The following SCHIP1 variants were observed in gnomAD, a reference collection of about 807,000 sequenced individuals.
SCHIP1 encodes the protein schwannomin interacting protein 1.
In SCHIP1, 8 loss-of-function variants were observed where a neutral mutation model predicts 29.7. The observed-to-expected ratio is 0.27, with a 90% CI of 0.16 to 0.49. SCHIP1 has a LOEUF of 0.49. Among genes scored for constraint, SCHIP1 ranks in the 20% least tolerant of loss-of-function variants. SCHIP1 has a pLI of 0.99. For synonymous variants in SCHIP1, 76 were observed against 94.9 expected, an observed-to-expected ratio of 0.80 and a Z score of 1.16; for missense variants, 193 against 294.6, an observed-to-expected ratio of 0.66 and a Z score of 2.52.
the SCHIP1 span, among the ~76,000 whole-genome samples, chr3:159,821,402 A>G: frequency 6.6e-6 from 1 of 152,208 alleles, no homozygotes; most frequent in Non-Finnish European, 1.5e-5. Context: ...ATGAATTTAA[A>G]TGAGACCAGT....
chr3:159,722,964 T>C, the SCHIP1 span, among the ~76,000 whole-genome samples: 1 of 152,238 alleles, frequency 6.6e-6, no homozygotes, highest in Non-Finnish European at 1.5e-5. Flanking sequence ...TACTCCTCTC[T>C]GTGGCATCTC....
chr3:159,557,483 T>C, the SCHIP1 span, among the ~76,000 whole-genome samples: 1 of 152,130 alleles, frequency 6.6e-6, no homozygotes, highest in Non-Finnish European at 1.5e-5. Flanking sequence ...AAAACAATAA[T>C]GTTACTTAGT....
At chr3:159,888,378 A>G (rs1167172776) in intron 4 of SCHIP1, 2 of 205,524 alleles carry the variant, frequency 9.7e-6, no homozygotes, top group East Asian at 1.2e-4. Context: ...TTTCTCATCT[A>G]TAAAATGGGG....
At chr3:159,841,010 G>A (rs79151788) in intron 1 of SCHIP1, among the ~76,000 whole-genome samples, 2,065 of 152,304 alleles carry the variant, frequency 0.014, 49 homozygotes, top group African/African-American at 0.047. Context: ...GCTCTTTGCA[G>A]CAGCAGGCAG....
At chr3:159,712,828 GAAAGAAAGAAAGAAAGAA>G in the SCHIP1 span, among the ~76,000 whole-genome samples, 1 of 125,960 alleles carries the variant, frequency 7.9e-6, no homozygotes, top group African/African-American at 2.7e-5. Flanking sequence ...AAAGAAGAGA[GAAAGAAAGAAAGAAAGAA>G]AGAGAGAGAG....
the SCHIP1 span, among the ~76,000 whole-genome samples, chr3:159,332,402 C>T: frequency 0.24 from 36,482 of 152,020 alleles, 4,722 homozygotes; most frequent in African/African-American, 0.33. Flanking sequence ...AACTCAAATC[C>T]GTCTCCCAAG....
At chr3:159,860,605 T>C (rs112402409) in intron 1 of SCHIP1, among the ~76,000 whole-genome samples, 58 of 152,318 alleles carry the variant, frequency 3.8e-4, no homozygotes, top group African/African-American at 1.4e-3. Context: ...TTTAAAAGTC[T>C]ATTTCAGTTC....
At chr3:159,826,821 C>T in the SCHIP1 span, among the ~76,000 whole-genome samples, 2 of 152,292 alleles carry the variant, frequency 1.3e-5, no homozygotes, top group East Asian at 3.9e-4. Context: ...GAAAGAGACT[C>T]TCTTTGCTAT....
chr3:159,404,948 A>G, the SCHIP1 span, among the ~76,000 whole-genome samples: 2 of 151,948 alleles, frequency 1.3e-5, no homozygotes, highest in Non-Finnish European at 2.9e-5. Context: ...AGAGGGAAAC[A>G]CTCTACTTTT....
chr3:159,857,296 C>T (rs147600268), intron 1 of SCHIP1, among the ~76,000 whole-genome samples: 3 of 152,294 alleles, frequency 2.0e-5, no homozygotes, highest in East Asian at 3.9e-4. Context: ...CACACATGCA[C>T]ACAAACGTGC....
At chr3:159,510,189 ACTTCT>A in the SCHIP1 span, among the ~76,000 whole-genome samples, 2 of 151,726 alleles carry the variant, frequency 1.3e-5, no homozygotes, top group Non-Finnish European at 2.9e-5. Flanking sequence ...TTTTCTCTAA[ACTTCT>A]CTTCTCATTT....
chr3:159,661,380 C>A, the SCHIP1 span, among the ~76,000 whole-genome samples: 1 of 152,158 alleles, frequency 6.6e-6, no homozygotes, highest in African/African-American at 2.4e-5. Context: ...TATGTATAGA[C>A]CATTCCCAAA....
the SCHIP1 span, among the ~76,000 whole-genome samples, chr3:159,546,468 C>T: frequency 2.0e-5 from 3 of 151,924 alleles, no homozygotes; most frequent in East Asian, 5.8e-4. Flanking sequence ...GTGTATGGCA[C>T]AGGCATACAT....
the SCHIP1 span, among the ~76,000 whole-genome samples, chr3:159,520,910 A>G: frequency 6.6e-6 from 1 of 152,250 alleles, no homozygotes; most frequent in African/African-American, 2.4e-5. Flanking sequence ...AATATTTACT[A>G]CCATGGGTAA....
the SCHIP1 span, among the ~76,000 whole-genome samples, chr3:159,444,937 A>G: frequency 6.6e-6 from 1 of 152,198 alleles, no homozygotes; most frequent in Non-Finnish European, 1.5e-5. Flanking sequence ...CAATTGACCT[A>G]GGCGTTACCA....
the SCHIP1 span, among the ~76,000 whole-genome samples, chr3:159,444,872 C>A: frequency 7.9e-5 from 12 of 152,228 alleles, no homozygotes; most frequent in Admixed American, 5.2e-4. Context: ...AGGTTTGGGT[C>A]AATTTAACCT....
the SCHIP1 span, among the ~76,000 whole-genome samples, chr3:159,304,155 T>G: frequency 6.6e-6 from 1 of 152,200 alleles, no homozygotes; most frequent in Non-Finnish European, 1.5e-5. Flanking sequence ...GAATGATGAT[T>G]CTTTCACACC....
At chr3:159,881,287 T>C (rs575660305) in intron 2 of SCHIP1, among the ~76,000 whole-genome samples, 4 of 152,328 alleles carry the variant, frequency 2.6e-5, no homozygotes, top group Admixed American at 6.5e-5. Flanking sequence ...AGTATAAAAA[T>C]ATAGGCAATT....
the SCHIP1 span, among the ~76,000 whole-genome samples, chr3:159,660,281 G>A: frequency 6.6e-6 from 1 of 152,150 alleles, no homozygotes; most frequent in Non-Finnish European, 1.5e-5. Context: ...GATGATGTCT[G>A]TGAGTAGGCC....
Sources: gnomAD v4.1 joint callset for allele counts (sites outside exome capture counted in the v4.1 genomes callset) on GRCh38, gnomAD v4.1.1 for gene constraint, MANE v1.5 for transcripts, NCBI Gene and HGNC (gene_info 2026-07-23, HGNC 2026-07-21) for gene names.